ZNF626: variants seen among roughly 807,000 people sequenced by gnomAD.
ZNF626 encodes zinc finger protein 626, also known as CTC-513N18.7.
Under a neutral mutation model 11.7 loss-of-function variants are expected in ZNF626, and 4 were observed. The observed-to-expected ratio is 0.34, with a 90% confidence interval of 0.17 to 0.78. ZNF626 has a LOEUF of 0.78. Ranked by LOEUF, ZNF626 falls within the 30% of genes least tolerant of loss-of-function variation. ZNF626 has a pLI of 0.57. For missense variants in ZNF626, 588 were observed against 587.1 expected (o/e 1.00, Z -0.01); for synonymous variants, 179 against 198.6 (o/e 0.90, Z 0.83).
At chr19:20,630,903 G>T (rs1394464877) in intron 3 of ZNF626, among the ~76,000 whole-genome samples, 46 of 151,192 alleles carry the variant, frequency 3.0e-4, no homozygotes, top group Non-Finnish European at 6.2e-4. Context: ...TTTCTCTTGT[G>T]GGCATTTAGT....
chr19:20,648,680 A>AT (rs1555772191), intron 1 of ZNF626, among the ~76,000 whole-genome samples: 1 of 152,092 alleles, frequency 6.6e-6, no homozygotes. Context: ...CTAAATCAGC[A>AT]TTTTCTTAAT....
chr19:20,647,237 T>G (rs1970089817), intron 1 of ZNF626, among the ~76,000 whole-genome samples: 3 of 152,104 alleles, frequency 2.0e-5, no homozygotes, highest in Non-Finnish European at 2.9e-5. Flanking sequence ...TGGAACAGCC[T>G]GTGTTTTTCC....
chr19:20,654,907 T>A (rs1396127389), intron 1 of ZNF626, among the ~76,000 whole-genome samples: 1 of 151,918 alleles, frequency 6.6e-6, no homozygotes, highest in Non-Finnish European at 1.5e-5. Context: ...GGTCAGCAGT[T>A]CAAGTTCAAG....
At chr19:20,644,452 C>T (rs1175557013) in intron 3 of ZNF626, among the ~76,000 whole-genome samples, 1 of 152,180 alleles carries the variant, frequency 6.6e-6, no homozygotes, top group Non-Finnish European at 1.5e-5. Context: ...ACCCAGCAGC[C>T]TTGTGACCAA....
At chr19:20,653,961 A>G (rs1970176629) in intron 1 of ZNF626, among the ~76,000 whole-genome samples, 1 of 152,238 alleles carries the variant, frequency 6.6e-6, no homozygotes, top group Non-Finnish European at 1.5e-5. Context: ...GTGAAATAAA[A>G]GATACTAAAA....
intron 1 of ZNF626, among the ~76,000 whole-genome samples, chr19:20,659,815 T>C (rs1243226980): frequency 6.6e-6 from 1 of 152,024 alleles, no homozygotes; most frequent in Non-Finnish European, 1.5e-5. Context: ...ACCCTCCCAG[T>C]TTCCTTTCAT....
At chr19:20,634,341 C>T (rs1464159061) in intron 3 of ZNF626, among the ~76,000 whole-genome samples, 1 of 147,032 alleles carries the variant, frequency 6.8e-6, no homozygotes, top group Non-Finnish European at 1.5e-5. Context: ...TCCTCGACAA[C>T]ATCAGGATAC....
chr19:20,628,864 A>G (rs1423741112), intron 3 of ZNF626, among the ~76,000 whole-genome samples: 2 of 152,218 alleles, frequency 1.3e-5, no homozygotes, highest in Non-Finnish European at 2.9e-5. Flanking sequence ...GCCCATGCCT[A>G]TGTCCTGAAT....
At chr19:20,657,325 C>A (rs540392065) in intron 1 of ZNF626, among the ~76,000 whole-genome samples, 1 of 152,034 alleles carries the variant, frequency 6.6e-6, no homozygotes, top group African/African-American at 2.4e-5. Context: ...AGCTAAAGTA[C>A]GCCAAAATCA....
At chr19:20,657,761 C>T (rs111462195) in intron 1 of ZNF626, among the ~76,000 whole-genome samples, 5 of 151,418 alleles carry the variant, frequency 3.3e-5, no homozygotes, top group African/African-American at 1.2e-4. Context: ...GCCGAGGTGG[C>T]ACAATTGCAC....
chr19:20,629,342 G>C (rs1478939833), intron 3 of ZNF626, among the ~76,000 whole-genome samples: 1 of 152,118 alleles, frequency 6.6e-6, no homozygotes, highest in Non-Finnish European at 1.5e-5. Flanking sequence ...GCTTGATGGG[G>C]ATGGCATTGA....
chr19:20,661,397 C>A, intron 1 of ZNF626, 47 bp downstream of exon 1: 1 of 1,613,278 alleles, frequency 6.2e-7, no homozygotes, highest in Non-Finnish European at 8.5e-7. Context: ...TTCACCGGTT[C>A]CAACCAGTCC....
At chr19:20,626,130 T>A (rs1969829491) in intron 3 of ZNF626, among the ~76,000 whole-genome samples, 1 of 151,888 alleles carries the variant, frequency 6.6e-6, no homozygotes, top group African/African-American at 2.4e-5. Flanking sequence ...GGTGTGGCGA[T>A]GGGGCACCTG....
chr19:20,627,886 G>T (rs62107363), intron 3 of ZNF626, among the ~76,000 whole-genome samples: 2 of 152,020 alleles, frequency 1.3e-5, no homozygotes, highest in African/African-American at 4.8e-5. Context: ...CCATTAACTC[G>T]TCATTTAGCA....
Position 20,621,758 on chromosome 19 carries a change from G to A in ZNF626, c.*2532C>T, listed in dbSNP as rs1969760573. On this transcript the variant is annotated 3_prime_UTR_variant, in exon 4 of 4. Coordinates refer to ENST00000601440, the MANE Select transcript of ZNF626 (RefSeq NM_001076675.3). ...TACTGGCAAAGTGATTACTAGTGAT[G>A]ACATTCCACTACATACCAAATAGTA... is the stretch of plus-strand genomic sequence containing the variant. 6.6e-6 allele frequency: 1 copy of A among 152,146 alleles called. No homozygotes were observed. Among genetic ancestry groups the A allele is most frequent in the Non-Finnish European group, 1.5e-5 (1 of 68,016 alleles). The allele number at this position is 152,146 out of a possible 1,614,324, so 9.4% of individuals were successfully genotyped here. A position where few individuals can be genotyped will look rare whatever the true frequency, so the allele number is the denominator to read the frequency against.
In ZNF626 at chr19:20,661,316, G is replaced by A. The variant is rs77363907; in HGVS notation, c.3+128C>T. On this transcript the variant is annotated intron_variant, in intron 1 of 3. Transcript: ENST00000601440. The stretch of plus-strand genomic sequence containing the variant: ...GGCTGAACAGGACTGAGGCCGAGCT[G>A]AGCAAGGAGAACTGGGGGAGCAGAC... 7.5e-3 allele frequency: 9,743 copies of A among 1,290,910 alleles called. 510 individuals carry two copies. The African/African-American group carries it at 0.12, about 16-fold the overall frequency. The allele number at this position is 1,290,910 out of a possible 1,614,324, so 80.0% of individuals were successfully genotyped here. A position where few individuals can be genotyped will look rare whatever the true frequency, so the allele number is the denominator to read the frequency against.
In ZNF626 at chr19:20,620,556, T is replaced by TA. The variant is rs1331120604; in HGVS notation, c.*3733dup. ...AATAATTTTTCAGGACTCAGAAATG[T>TA]AATTTTTTTTCCTTTGAGGAGTCTC... On this transcript the variant is annotated 3_prime_UTR_variant, in exon 4 of 4. Transcript: ENST00000601440. 1 of 152,098 alleles carries TA rather than the reference T, an allele frequency of 6.6e-6. No homozygotes were observed. The highest frequency in any genetic ancestry group is 6.6e-5 in the Admixed American group (1 of 15,252). The allele number at this position is 152,098 out of a possible 1,614,324, so 9.4% of individuals were successfully genotyped here.
intron 1 of ZNF626, among the ~76,000 whole-genome samples, chr19:20,655,650 C>T (rs1319252420): frequency 2.0e-5 from 3 of 151,792 alleles, no homozygotes; most frequent in East Asian, 1.9e-4. Flanking sequence ...CGGCCAGGCA[C>T]GGTGGCTCAT....
intron 3 of ZNF626, among the ~76,000 whole-genome samples, chr19:20,640,249 AATT>A (rs1970009667): frequency 2.1e-5 from 1 of 48,146 alleles, no homozygotes; most frequent in Non-Finnish European, 3.5e-5. Flanking sequence ...TATTAATTTT[AATT>A]ATTAAAATTA....
Sources: allele counts gnomAD v4.1 joint callset (sites outside exome capture counted in the v4.1 genomes callset), GRCh38; gene constraint gnomAD v4.1.1; transcripts MANE v1.5; gene names NCBI Gene and HGNC (gene_info 2026-07-23, HGNC 2026-07-21).